The following RAC1 variants were observed in gnomAD, a reference collection of about 807,000 sequenced individuals.
The protein encoded by RAC1 is Rac family small GTPase 1, also known as ras-related C3 botulinum toxin substrate 1.
In RAC1, 2 loss-of-function variants were observed where a neutral mutation model predicts 25.2. The observed-to-expected ratio is 0.08, with a 90% CI of 0.03 to 0.25. The LOEUF is 0.25. Ranked by LOEUF, RAC1 falls within the 10% of genes least tolerant of loss-of-function variation. The pLI is 1.00. For missense variants in RAC1, 50 were observed against 235.7 expected, an observed-to-expected ratio of 0.21 and a Z score of 5.16; for synonymous variants, 88 against 94.0, an observed-to-expected ratio of 0.94 and a Z score of 0.37.
chr7:6,381,168 T>G (rs1211665463), intron 1 of RAC1, among the ~76,000 whole-genome samples: 1 of 152,076 alleles, frequency 6.6e-6, no homozygotes, highest in Non-Finnish European at 1.5e-5. Flanking sequence ...ATGCCCGGCC[T>G]GATTTTGAAA....
At chr7:6,388,551 C>T (rs1414392467) in intron 2 of RAC1, among the ~76,000 whole-genome samples, 1 of 151,754 alleles carries the variant, frequency 6.6e-6, no homozygotes, top group African/African-American at 2.4e-5. Flanking sequence ...ACCATGTTGG[C>T]CAGGTTGGTC....
At chr7:6,386,076 G>A (rs1782914043) in intron 1 of RAC1, among the ~76,000 whole-genome samples, 1 of 152,206 alleles carries the variant, frequency 6.6e-6, no homozygotes, top group African/African-American at 2.4e-5. Context: ...TCTTCTGCCT[G>A]GCGGCACACT....
At chr7:6,378,094 C>T (rs1161302628) in intron 1 of RAC1, among the ~76,000 whole-genome samples, 2 of 152,130 alleles carry the variant, frequency 1.3e-5, no homozygotes, top group African/African-American at 2.4e-5. Flanking sequence ...TCTGTCTTAT[C>T]ATTTCTAGAA....
At chr7:6,399,824 ATAGT>A (rs1282777699) in intron 3 of RAC1, 22 of 363,296 alleles carry the variant, frequency 6.1e-5, no homozygotes, top group South Asian at 1.2e-4. Flanking sequence ...TTCATTTTAG[ATAGT>A]TAGGCGTAAA....
At chr7:6,376,107 G>A (rs1234530498) in intron 1 of RAC1, among the ~76,000 whole-genome samples, 3 of 146,000 alleles carry the variant, frequency 2.1e-5, no homozygotes, top group Admixed American at 6.9e-5. Context: ...GCTGATTTTT[G>A]TAAGATGCCC....
chr7:6,374,713 C>A lies in RAC1; in HGVS notation c.-23C>A. ...CTATCTCAGCGCCCTGCCGCCGCCG[C>A]CGCGGCCCAGCGAGCGGCCCTGATG... On this transcript the variant is annotated 5_prime_UTR_variant, in exon 1 of 6. Transcript: ENST00000348035. The A allele has an allele frequency of 9.1e-7, 1 of 1,101,662 alleles. No individual in the cohort carries two copies. Among genetic ancestry groups the A allele is most frequent in the Non-Finnish European group, 1.1e-6 (1 of 901,416 alleles). 68.2% of individuals were successfully genotyped at this position (1,101,662 alleles called of 1,614,324 possible).
At chr7:6,386,357 CAAGAG>C (rs1562464121) in intron 1 of RAC1, among the ~76,000 whole-genome samples, 2 of 152,152 alleles carry the variant, frequency 1.3e-5, no homozygotes. Flanking sequence ...CACTTTCTCT[CAAGAG>C]AACAGTCATT....
intron 1 of RAC1, among the ~76,000 whole-genome samples, chr7:6,382,727 G>C (rs965529929): frequency 2.5e-4 from 38 of 152,156 alleles, no homozygotes; most frequent in African/African-American, 8.9e-4. Context: ...AAAAAAATTA[G>C]CTGGATGTGG....
intron 1 of RAC1, among the ~76,000 whole-genome samples, chr7:6,385,583 G>T (rs972446347): frequency 4.6e-5 from 7 of 152,290 alleles, no homozygotes; most frequent in South Asian, 2.1e-4. Context: ...GCCTTTAGGA[G>T]TTGGAAGCTA....
rs1374944076 is a variant in RAC1 at position 6,397,043 on chromosome 7, A to C, written c.226-3083A>C. 3.7e-4 allele frequency among the ~76,000 whole-genome samples: 37 copies of C among 100,362 alleles called. 1 individual carries two copies. The highest frequency in any genetic ancestry group is 3.5e-4 in the Admixed American group (3 of 8,500). 65.8% of individuals were successfully genotyped at this position (100,362 alleles called of 152,430 possible). On this transcript the variant is annotated intron_variant, in intron 3 of 5. Coordinates refer to ENST00000348035, the MANE Select transcript of RAC1 (RefSeq NM_006908.5). ...GAGACTCCCTCTCAAAAACAAAAAA[A>C]AAAAAAAAAAAGAAAAGAAACCCCG...
chr7:6,378,982 C>G (rs555225288), intron 1 of RAC1, among the ~76,000 whole-genome samples: 2 of 151,966 alleles, frequency 1.3e-5, no homozygotes, highest in South Asian at 2.1e-4. Flanking sequence ...CCTAGCTACT[C>G]GGGAGGCTGA....
intron 2 of RAC1, among the ~76,000 whole-genome samples, chr7:6,390,176 A>G (rs1783052024): frequency 7.5e-6 from 1 of 132,572 alleles, no homozygotes; most frequent in South Asian, 2.3e-4. Flanking sequence ...CTTCCACCTC[A>G]GCCTATTGAG....
intron 3 of RAC1, among the ~76,000 whole-genome samples, chr7:6,393,562 C>T (rs1018949823): frequency 6.6e-6 from 1 of 152,140 alleles, no homozygotes; most frequent in Non-Finnish European, 1.5e-5. Flanking sequence ...AGAGAACTCT[C>T]CTCAGCTTGA....
chr7:6,399,091 C>G (rs544187595), intron 3 of RAC1, among the ~76,000 whole-genome samples: 1 of 141,692 alleles, frequency 7.1e-6, no homozygotes, highest in African/African-American at 2.4e-5. Flanking sequence ...CTTGGGTGTC[C>G]CGTGTGGTGG....
chr7:6,401,237 T>C (rs1783392375), intron 4 of RAC1, among the ~76,000 whole-genome samples: 1 of 152,230 alleles, frequency 6.6e-6, no homozygotes, highest in African/African-American at 2.4e-5. Flanking sequence ...ATTTCAGGTG[T>C]GAGCCACTAT....
At chr7:6,376,148 G>GAGTATT (rs1462021845) in intron 1 of RAC1, among the ~76,000 whole-genome samples, 1 of 136,840 alleles carries the variant, frequency 7.3e-6, no homozygotes, top group African/African-American at 2.6e-5. Context: ...AAGTGTGAAG[G>GAGTATT]AGTATTAGAG....
intron 1 of RAC1, among the ~76,000 whole-genome samples, chr7:6,380,735 C>G (rs1221060360): frequency 2.6e-5 from 4 of 152,070 alleles, no homozygotes; most frequent in African/African-American, 9.7e-5. Context: ...ATGCACATAC[C>G]CATGGCCTGG....
intron 1 of RAC1, among the ~76,000 whole-genome samples, chr7:6,377,458 GAC>G (rs1377292208): frequency 1.3e-5 from 2 of 152,052 alleles, no homozygotes; most frequent in African/African-American, 4.8e-5. Context: ...GCTAGGTGTA[GAC>G]ACATGTGCCT....
At chr7:6,392,495 C>G (rs149392402) in intron 3 of RAC1, among the ~76,000 whole-genome samples, 5 of 152,244 alleles carry the variant, frequency 3.3e-5, no homozygotes, top group African/African-American at 9.6e-5. Flanking sequence ...ATTTTGTGAA[C>G]CATACAATAG....
Sources: allele counts gnomAD v4.1 joint callset (sites outside exome capture counted in the v4.1 genomes callset), GRCh38; gene constraint gnomAD v4.1.1; transcripts MANE v1.5; gene names NCBI Gene and HGNC (gene_info 2026-07-23, HGNC 2026-07-21).